Variants in CACNB2 observed in about 807,000 individuals in gnomAD.
CACNB2 encodes the protein voltage-dependent L-type calcium channel subunit beta-2.
CACNB2 carries 42 observed loss-of-function variants against 73.3 expected under a neutral mutation model. The observed-to-expected ratio is 0.57, with a 90% confidence interval of 0.45 to 0.74. The LOEUF (loss-of-function observed/expected upper bound fraction) is 0.74, where lower values mean the gene tolerates loss of function less well. Ranked by LOEUF, CACNB2 falls within the 30% of genes least tolerant of loss-of-function variation. The pLI is 0.00. For synonymous variants in CACNB2, 348 were observed against 310.3 expected, an observed-to-expected ratio of 1.12 and a Z score of -1.28; for missense variants, 940 against 853.0, an observed-to-expected ratio of 1.10 and a Z score of -1.27.
chr10:18,508,324 G>A (rs1227118868), intron 6 of CACNB2, among the ~76,000 whole-genome samples: 1 of 152,154 alleles, frequency 6.6e-6, no homozygotes, highest in Middle Eastern at 3.2e-3. Flanking sequence ...AGGCCCTGTA[G>A]GTATTATGTG....
intron 2 of CACNB2, among the ~76,000 whole-genome samples, chr10:18,317,435 T>A (rs534721976): frequency 6.6e-6 from 1 of 152,280 alleles, no homozygotes; most frequent in South Asian, 2.1e-4. Flanking sequence ...TTCTCTTCTT[T>A]GTGTCCAGGT....
chr10:18,205,369 C>G (rs1171873680), intron 2 of CACNB2, among the ~76,000 whole-genome samples: 1 of 152,130 alleles, frequency 6.6e-6, no homozygotes, highest in Non-Finnish European at 1.5e-5. Context: ...CAGCAATTAG[C>G]CCAGCGAGCA....
chr10:18,143,848 G>C (rs1454987378), intron 1 of CACNB2, among the ~76,000 whole-genome samples: 2 of 152,138 alleles, frequency 1.3e-5, no homozygotes, highest in Admixed American at 1.3e-4. Context: ...GCAATGATTG[G>C]TTTTAGGAAT....
intron 3 of CACNB2, among the ~76,000 whole-genome samples, chr10:18,494,711 T>G (rs893920241): frequency 5.3e-5 from 8 of 151,806 alleles, no homozygotes; most frequent in African/African-American, 1.9e-4. Flanking sequence ...TTTTTAAATC[T>G]TGGATCTATA....
At chr10:18,304,772 C>T (rs781683658) in intron 2 of CACNB2, among the ~76,000 whole-genome samples, 3 of 152,166 alleles carry the variant, frequency 2.0e-5, no homozygotes, top group Admixed American at 6.5e-5. Flanking sequence ...TTAAAACTTA[C>T]GGTTTGTGGG....
At chr10:18,227,676 G>A (rs1043442331) in intron 2 of CACNB2, among the ~76,000 whole-genome samples, 1 of 152,160 alleles carries the variant, frequency 6.6e-6, no homozygotes, top group African/African-American at 2.4e-5. Flanking sequence ...CAGACCCAGC[G>A]CTTATCTACC....
At chr10:18,236,271 T>C (rs2036440587) in intron 2 of CACNB2, among the ~76,000 whole-genome samples, 2 of 152,176 alleles carry the variant, frequency 1.3e-5, no homozygotes, top group African/African-American at 4.8e-5. Flanking sequence ...GCAGAGACAT[T>C]CGCCATTGGT....
intron 10 of CACNB2, among the ~76,000 whole-genome samples, chr10:18,533,586 G>A (rs563904417): frequency 3.3e-4 from 50 of 152,180 alleles, no homozygotes; most frequent in Admixed American, 8.5e-4. Flanking sequence ...TGCCATTCAC[G>A]TCTTTGCTGT....
Position 18,140,765 on chromosome 10 carries a change from C to T in CACNB2, c.29C>T (p.Pro10Leu). 1 of 1,596,826 alleles carries T rather than the reference C, an allele frequency of 6.3e-7. No individual in the cohort carries two copies. The highest frequency in any genetic ancestry group is 8.5e-7 in the Non-Finnish European group (1 of 1,173,330). The change falls in exon 1 of 14, where the codon CCT becomes CTT. Residue 10 changes from proline to leucine, a missense_variant. Coordinates refer to ENST00000324631, the MANE Select transcript of CACNB2 (RefSeq NM_201596.3). ...GTCCAAAGGGACATGTCCAAGTCGC[C>T]TCCCACAGCGGCGGCGGCGGTGGCG... MVQRDMSKS[P>L]PTAAAAVAQE...
intron 2 of CACNB2, among the ~76,000 whole-genome samples, chr10:18,198,400 G>A (rs2034722825): frequency 1.3e-5 from 2 of 152,120 alleles, no homozygotes; most frequent in South Asian, 2.1e-4. Context: ...AGATTCTTGG[G>A]GCTAGTAGCC....
At chr10:18,528,218 A>G (rs1226399396) in intron 10 of CACNB2, among the ~76,000 whole-genome samples, 3 of 152,216 alleles carry the variant, frequency 2.0e-5, no homozygotes, top group African/African-American at 7.2e-5. Context: ...TAAAAGATGA[A>G]GTCAATTCCT....
intron 2 of CACNB2, among the ~76,000 whole-genome samples, chr10:18,279,028 T>A (rs1340059345): frequency 6.6e-6 from 1 of 152,012 alleles, no homozygotes; most frequent in African/African-American, 2.4e-5. Flanking sequence ...CAAAAAAAAA[T>A]CTTTAGTATG....
chr10:18,425,572 T>C (rs559593417), intron 3 of CACNB2, among the ~76,000 whole-genome samples: 2 of 151,908 alleles, frequency 1.3e-5, no homozygotes, highest in African/African-American at 4.8e-5. Context: ...GGAGGCTGAG[T>C]TGGGGGGGTT....
Position 18,236,274 on chromosome 10 carries a change from C to A in CACNB2, c.213+85299C>A, listed in dbSNP as rs549726865. 3.3e-5 allele frequency among the ~76,000 whole-genome samples: 5 copies of A among 152,284 alleles called. No individual in the cohort carries two copies. The South Asian group carries it at 6.2e-4, about 19-fold the overall frequency. ...GTCTACTTACAAGCAGAGACATTCG[C>A]CATTGGTTAAAACCAAACACAGAGG... On this transcript the variant is annotated intron_variant, in intron 2 of 13. Coordinates refer to ENST00000324631, the MANE Select transcript of CACNB2 (RefSeq NM_201596.3).
chr10:18,363,501 T>G (rs143059722), intron 2 of CACNB2, among the ~76,000 whole-genome samples: 3 of 152,346 alleles, frequency 2.0e-5, no homozygotes, highest in Admixed American at 6.5e-5. Context: ...TTTCTTGACA[T>G]GTCTGTCTTA....
At chr10:18,267,480 C>G (rs552368377) in intron 2 of CACNB2, among the ~76,000 whole-genome samples, 5 of 152,108 alleles carry the variant, frequency 3.3e-5, no homozygotes, top group Admixed American at 3.3e-4. Context: ...GTGGCGGGCA[C>G]CTGTAATCCC....
chr10:18,197,291 C>A (rs1185841359), intron 2 of CACNB2, among the ~76,000 whole-genome samples: 2 of 151,908 alleles, frequency 1.3e-5, no homozygotes, highest in East Asian at 1.9e-4. Context: ...AGCTCTTGGC[C>A]TATAACCTAC....
chr10:18,506,363 A>C, intron 5 of CACNB2, 108 bp from the exon 6 acceptor site: 1 of 722,452 alleles, frequency 1.4e-6, no homozygotes, highest in Non-Finnish European at 2.5e-6. Flanking sequence ...ATGAAAGATA[A>C]ATTTAAAGTT....
chr10:18,218,821 A>G (rs991757649), intron 2 of CACNB2, among the ~76,000 whole-genome samples: 1 of 151,992 alleles, frequency 6.6e-6, no homozygotes, highest in Non-Finnish European at 1.5e-5. Flanking sequence ...AGCCAAGATC[A>G]TACCACTGCA....
Sources: gnomAD v4.1 joint callset for allele counts (sites outside exome capture counted in the v4.1 genomes callset) on GRCh38, gnomAD v4.1.1 for gene constraint, MANE v1.5 for transcripts, NCBI Gene and HGNC (gene_info 2026-07-23, HGNC 2026-07-21) for gene names.